Variants in GALNT10 observed in about 807,000 individuals in gnomAD.
GALNT10 encodes the protein GalNAc transferase 10.
GALNT10 carries 41 observed loss-of-function variants against 75.0 expected under a neutral mutation model. The ratio of observed to expected loss-of-function variants is 0.55; its 90% CI spans 0.43 to 0.71. The LOEUF (loss-of-function observed/expected upper bound fraction) is 0.71, where lower values mean the gene tolerates loss of function less well. GALNT10 is among the 30% of genes least tolerant of loss of function. The probability of loss-of-function intolerance (pLI) is 0.00; values close to 1 mark genes in which losing one functional copy is unlikely to be tolerated. For synonymous variants in GALNT10, 302 were observed against 313.0 expected, an observed-to-expected ratio of 0.96 and a Z score of 0.37; for missense variants, 727 against 818.5, an observed-to-expected ratio of 0.89 and a Z score of 1.36.
At position 154,298,501 on chromosome 5, in the gene GALNT10, G is replaced by T. The variant is rs926030746; in HGVS notation, c.401+422G>T. ...ACATTGAGAGCAGACATATCAGAAT[G>T]ATTATAAAGATGACAACAATGGCAT... On this transcript the variant is annotated intron_variant, in intron 3 of 11. Coordinates refer to ENST00000297107, the MANE Select transcript of GALNT10 (RefSeq NM_198321.4). This position sits in a 1 kb window ranked among gnomAD's most constrained non-coding sequence, Gnocchi z 4.1. Among the ~76,000 whole-genome samples, 2 of 152,172 alleles carry T rather than the reference G, an allele frequency of 1.3e-5. No individual in the cohort carries two copies. Among genetic ancestry groups the T allele is most frequent in the African/African-American group, 4.8e-5 (2 of 41,436 alleles).
At chr5:154,401,786 CA>C (rs1756170310) in intron 7 of GALNT10, among the ~76,000 whole-genome samples, 2 of 152,270 alleles carry the variant, frequency 1.3e-5, no homozygotes, top group South Asian at 4.1e-4. Flanking sequence ...GGTGGAAGAG[CA>C]AGCCCTTCTA....
At chr5:154,296,141 C>T (rs1378979534) in intron 2 of GALNT10, among the ~76,000 whole-genome samples, 3 of 152,132 alleles carry the variant, frequency 2.0e-5, no homozygotes, top group African/African-American at 7.2e-5. Flanking sequence ...AGCTGGAATT[C>T]AGTGGTGCAA....
At chr5:154,403,491 A>G (rs902433718) in intron 7 of GALNT10, among the ~76,000 whole-genome samples, 2 of 152,226 alleles carry the variant, frequency 1.3e-5, no homozygotes, top group African/African-American at 4.8e-5. Context: ...CAGAGAAGGC[A>G]GGGCAGGGAG....
At position 154,416,478 on chromosome 5, in the gene GALNT10, CAT is replaced by C. The variant is rs1433383540; in HGVS notation, c.1654-334_1654-333del. The stretch of plus-strand genomic sequence containing the variant: ...AAAAATAAAAGATAAAAGGAAAGCA[CAT>C]ACACACACACACACACACACACACA... On this transcript the variant is annotated intron_variant, in intron 11 of 11. Transcript: ENST00000297107. This position sits in a 1 kb window ranked among gnomAD's most constrained non-coding sequence, Gnocchi z 4.5. 1.6e-3 allele frequency among the ~76,000 whole-genome samples: 167 copies of C among 101,602 alleles called. 1 individual carries two copies. Among genetic ancestry groups the C allele is most frequent in the African/African-American group, 6.0e-3 (164 of 27,416 alleles). The allele number at this position is 101,602 out of a possible 152,430, so 66.7% of individuals were successfully genotyped here.
intron 1 of GALNT10, among the ~76,000 whole-genome samples, chr5:154,233,291 C>T (rs144512385): frequency 6.6e-6 from 1 of 152,268 alleles, no homozygotes; most frequent in African/African-American, 2.4e-5. Context: ...TCAATGTTAA[C>T]TTGCAGGTGG....
At chr5:154,337,868 A>G in intron 4 of GALNT10, 1 of 1,102,592 alleles carries the variant, frequency 9.1e-7, no homozygotes, top group South Asian at 1.2e-5. Flanking sequence ...ATGAAACACT[A>G]GGTATCTCTT....
Position 154,393,069 on chromosome 5 carries a change from A to AAAAAAAAC in GALNT10, c.1056+6646_1056+6647insCAAAAAAA, listed in dbSNP as rs1561680947. On this transcript the variant is annotated intron_variant, in intron 7 of 11. Coordinates refer to ENST00000297107, the MANE Select transcript of GALNT10 (RefSeq NM_198321.4). The stretch of plus-strand genomic sequence containing the variant: ...TTGGAGGTCTCCACAAAAAAAAAAA[A>AAAAAAAAC]AAAAAAAAACCCATTTTTTTTCAGA... 3.4e-5 allele frequency: 5 copies of AAAAAAAAC among 148,858 alleles called. No individual in the cohort carries two copies. The South Asian group carries it at 6.6e-4, about 20-fold the overall frequency. The allele number at this position is 148,858 out of a possible 1,614,324, so 9.2% of individuals were successfully genotyped here. A position where few individuals can be genotyped will look rare whatever the true frequency, so the allele number is the denominator to read the frequency against.
intron 1 of GALNT10, among the ~76,000 whole-genome samples, chr5:154,235,847 T>C (rs1025222971): frequency 2.0e-5 from 3 of 152,128 alleles, no homozygotes; most frequent in Non-Finnish European, 4.4e-5. Context: ...TGGCAAGAAG[T>C]CATATTGCCC....
At chr5:154,253,572 T>A (rs1039028341) in intron 1 of GALNT10, among the ~76,000 whole-genome samples, 9 of 152,148 alleles carry the variant, frequency 5.9e-5, no homozygotes, top group South Asian at 2.1e-4. Context: ...TGTATTTTTT[T>A]AAAAAATAAC....
chr5:154,345,403 C>T (rs896612857), intron 4 of GALNT10, among the ~76,000 whole-genome samples: 12 of 152,110 alleles, frequency 7.9e-5, no homozygotes, highest in Non-Finnish European at 1.6e-4. Context: ...CCAGAACTTA[C>T]TCATCTTTGA....
intron 7 of GALNT10, among the ~76,000 whole-genome samples, chr5:154,400,434 G>A (rs963694419): frequency 1.3e-5 from 2 of 152,040 alleles, no homozygotes; most frequent in African/African-American, 4.8e-5. Context: ...CATGTGTGGC[G>A]ACCATTAAAT....
chr5:154,263,706 T>C (rs1317741551), intron 1 of GALNT10, among the ~76,000 whole-genome samples: 1 of 152,156 alleles, frequency 6.6e-6, no homozygotes, highest in African/African-American at 2.4e-5. Flanking sequence ...CCTTACATAG[T>C]AGAAAGGATG....
chr5:154,303,507 G>T (rs1016890529), intron 3 of GALNT10, among the ~76,000 whole-genome samples: 2 of 152,150 alleles, frequency 1.3e-5, no homozygotes, highest in Non-Finnish European at 2.9e-5. Flanking sequence ...ACCCTAAAGG[G>T]CTTTAGGGAA....
chr5:154,383,362 C>A (rs1755761150), intron 6 of GALNT10, among the ~76,000 whole-genome samples: 1 of 152,180 alleles, frequency 6.6e-6, no homozygotes, highest in South Asian at 2.1e-4. Flanking sequence ...AATAGCTTAT[C>A]CACTCACTAT....
At chr5:154,372,600 C>A (rs976443114) in intron 4 of GALNT10, among the ~76,000 whole-genome samples, 1 of 152,188 alleles carries the variant, frequency 6.6e-6, no homozygotes, top group Non-Finnish European at 1.5e-5. Flanking sequence ...GGCAGCACTG[C>A]AGGACAGGCA....
At chr5:154,337,857 G>A in intron 4 of GALNT10, 1 of 1,086,420 alleles carries the variant, frequency 9.2e-7, no homozygotes, top group Non-Finnish European at 1.4e-6. Context: ...TCTTGGGCTG[G>A]ATGAAACACT....
At chr5:154,413,452 G>A (rs1233606771) in intron 10 of GALNT10, among the ~76,000 whole-genome samples, 1 of 152,180 alleles carries the variant, frequency 6.6e-6, no homozygotes. Context: ...CATGAATTGT[G>A]TCCCTGAGCT....
intron 1 of GALNT10, among the ~76,000 whole-genome samples, chr5:154,213,013 G>A (rs912832251): frequency 1.3e-5 from 2 of 151,780 alleles, no homozygotes; most frequent in Non-Finnish European, 2.9e-5. Context: ...AGACCTATGG[G>A]TTTAAATTTC....
intron 4 of GALNT10, among the ~76,000 whole-genome samples, chr5:154,363,285 A>C (rs1755419778): frequency 6.6e-6 from 1 of 152,136 alleles, no homozygotes; most frequent in Non-Finnish European, 1.5e-5. Flanking sequence ...CATGATGGTT[A>C]AAACATTTTT....
Sources: allele counts gnomAD v4.1 joint callset (sites outside exome capture counted in the v4.1 genomes callset), GRCh38; gene constraint gnomAD v4.1.1; non-coding constraint Gnocchi (gnomAD v3.1); transcripts MANE v1.5; gene names NCBI Gene and HGNC (gene_info 2026-07-23, HGNC 2026-07-21).